The following ANO2 variants were observed in gnomAD, a reference collection of about 807,000 sequenced individuals.
The protein encoded by ANO2 is anoctamin-2.
ANO2 carries 101 observed loss-of-function variants against 124.2 expected under a neutral mutation model. The observed-to-expected ratio is 0.81, with a 90% CI of 0.69 to 0.96. The LOEUF (loss-of-function observed/expected upper bound fraction) is 0.96. Among genes scored for constraint, ANO2 ranks in the 40% least tolerant of loss-of-function variants. ANO2 has a pLI of 0.00. For synonymous variants in ANO2, 486 were observed against 482.5 expected, an observed-to-expected ratio of 1.01 and a Z score of -0.09; for missense variants, 1,293 against 1,274.5, an observed-to-expected ratio of 1.01 and a Z score of -0.22.
chr12:5,603,781 T>TA (rs1208758289), intron 19 of ANO2, among the ~76,000 whole-genome samples: 1 of 151,644 alleles, frequency 6.6e-6, no homozygotes, highest in African/African-American at 2.4e-5. Context: ...CCGCCTCTAC[T>TA]AAAAATACAA....
chr12:5,649,675 GC>G (rs1946817011), intron 14 of ANO2, among the ~76,000 whole-genome samples: 1 of 152,102 alleles, frequency 6.6e-6, no homozygotes, highest in African/African-American at 2.4e-5. Context: ...TATGATCTTG[GC>G]TCACTGCAAC....
At chr12:5,691,090 G>A (rs1055735919) in intron 14 of ANO2, among the ~76,000 whole-genome samples, 1 of 152,098 alleles carries the variant, frequency 6.6e-6, no homozygotes, top group Non-Finnish European at 1.5e-5. Flanking sequence ...AGCACTTTGG[G>A]AGGCTGAGGC....
chr12:5,818,104 G>C (rs925690231), intron 7 of ANO2, among the ~76,000 whole-genome samples: 3 of 152,118 alleles, frequency 2.0e-5, no homozygotes, highest in African/African-American at 7.2e-5. Flanking sequence ...GGTTAATACT[G>C]AGTGTCAACT....
At chr12:5,903,689 C>T (rs1442420927) in intron 3 of ANO2, among the ~76,000 whole-genome samples, 2 of 145,162 alleles carry the variant, frequency 1.4e-5, no homozygotes, top group East Asian at 4.0e-4. Flanking sequence ...GTGTAGACAG[C>T]AAGGTCTGTG....
chr12:5,787,776 T>G lies in ANO2; in HGVS notation c.1055+11731A>C, dbSNP rs1452979265. Among the ~76,000 whole-genome samples the G allele has an allele frequency of 3.9e-5, 6 of 152,176 alleles. No individual in the cohort carries two copies. The highest frequency in any genetic ancestry group is 1.4e-4 in the African/African-American group (6 of 41,430). On this transcript the variant is annotated intron_variant, in intron 10 of 24. Transcript: ENST00000682330. The surrounding 1 kb of genome is among the most constrained non-coding windows in gnomAD (Gnocchi z 4.2). ...TCCAATTAGGTTGGATGGCCTTATATCTCCATTCCCATTACACTTCTGTCC... is the reference window on the plus strand; with the variant it reads ...TCCAATTAGGTTGGATGGCCTTATAGCTCCATTCCCATTACACTTCTGTCC...
chr12:5,880,852 G>GGGGGTGGATGGA (rs1565745364), intron 3 of ANO2, among the ~76,000 whole-genome samples: 1 of 116,926 alleles, frequency 8.6e-6, no homozygotes, highest in African/African-American at 3.3e-5. Context: ...GGGTGGGTGG[G>GGGGGTGGATGGA]TGGATAGATG....
chr12:5,592,854 A>G (rs1242386447), intron 20 of ANO2, among the ~76,000 whole-genome samples: 1 of 152,232 alleles, frequency 6.6e-6, no homozygotes, highest in African/African-American at 2.4e-5. Flanking sequence ...ATGGAGGTTA[A>G]GAGTCCACAG....
chr12:5,609,148 T>A (rs1043872558), intron 19 of ANO2: 1 of 152,352 alleles, frequency 6.6e-6, no homozygotes, highest in African/African-American at 2.4e-5. Flanking sequence ...ACAAGTGTCA[T>A]CTGCATGGAA....
chr12:5,932,983 G>A (rs112126083), intron 1 of ANO2, among the ~76,000 whole-genome samples: 1,874 of 152,274 alleles, frequency 0.012, 46 homozygotes, highest in African/African-American at 0.043. Flanking sequence ...CCATTGCAAT[G>A]GGCCTCGGGC....
intron 14 of ANO2, among the ~76,000 whole-genome samples, chr12:5,650,190 C>A (rs1946849481): frequency 6.6e-6 from 1 of 152,146 alleles, no homozygotes; most frequent in Non-Finnish European, 1.5e-5. Flanking sequence ...AGGTTCAGCT[C>A]TGCCCAGGAG....
intron 14 of ANO2, among the ~76,000 whole-genome samples, chr12:5,684,611 A>C (rs1191235966): frequency 6.6e-6 from 1 of 152,160 alleles, no homozygotes; most frequent in African/African-American, 2.4e-5. Flanking sequence ...TTGCTCAAAA[A>C]CATCACTTCA....
In ANO2 at chr12:5,945,250, G is replaced by C; in HGVS notation, c.-33C>G. On this transcript the variant is annotated 5_prime_UTR_variant, in exon 1 of 25. Transcript: ENST00000682330. ...ACGCAGACCCCGCCGGCCCGCGGCC[G>C]CGCGCTTCTGGGCAGGCTTATGCCG... 3 of 1,284,348 alleles carry C rather than the reference G, an allele frequency of 2.3e-6. No homozygotes were observed. Among genetic ancestry groups the C allele is most frequent in the Non-Finnish European group, 3.0e-6 (3 of 985,956 alleles). 79.6% of individuals were successfully genotyped at this position (1,284,348 alleles called of 1,614,324 possible).
chr12:5,891,642 C>T (rs1939409698), intron 3 of ANO2, among the ~76,000 whole-genome samples: 1 of 152,212 alleles, frequency 6.6e-6, no homozygotes, highest in Non-Finnish European at 1.5e-5. Flanking sequence ...ACTATATACC[C>T]TAAGACAGTA....
At chr12:5,573,811 C>T (rs906244271) in intron 23 of ANO2, among the ~76,000 whole-genome samples, 4 of 152,140 alleles carry the variant, frequency 2.6e-5, no homozygotes, top group South Asian at 4.1e-4. Context: ...TCTTGGTTGA[C>T]GACAGTGGAA....
intron 20 of ANO2, among the ~76,000 whole-genome samples, chr12:5,587,961 AGG>A (rs1943203085): frequency 6.6e-6 from 1 of 152,206 alleles, no homozygotes; most frequent in Non-Finnish European, 1.5e-5. Flanking sequence ...CCCTCCGTTG[AGG>A]ACCTGCCCCA....
At chr12:5,616,371 C>T (rs1356370710) in intron 16 of ANO2, among the ~76,000 whole-genome samples, 1 of 152,216 alleles carries the variant, frequency 6.6e-6, no homozygotes, top group African/African-American at 2.4e-5. Flanking sequence ...TTACATAGGA[C>T]TCTTTCCCAT....
chr12:5,577,799 A>G (rs1942498087), intron 22 of ANO2, among the ~76,000 whole-genome samples, 156 bp downstream of exon 22: 1 of 152,196 alleles, frequency 6.6e-6, no homozygotes, highest in East Asian at 1.9e-4. Context: ...GATGGGTTAC[A>G]AGGCATTTGT....
intron 16 of ANO2, among the ~76,000 whole-genome samples, chr12:5,618,783 C>G (rs1944966343): frequency 6.6e-6 from 1 of 152,184 alleles, no homozygotes. Flanking sequence ...GAAGTTTTCC[C>G]CTTCCTTCAA....
At chr12:5,606,888 A>G (rs994175919) in intron 19 of ANO2, among the ~76,000 whole-genome samples, 7 of 152,212 alleles carry the variant, frequency 4.6e-5, no homozygotes, top group Non-Finnish European at 1.0e-4. Context: ...GGTCAATTAG[A>G]CACTCTTAAA....
Sources: allele counts gnomAD v4.1 joint callset (sites outside exome capture counted in the v4.1 genomes callset), GRCh38; gene constraint gnomAD v4.1.1; non-coding constraint Gnocchi (gnomAD v3.1); transcripts MANE v1.5; gene names NCBI Gene and HGNC (gene_info 2026-07-23, HGNC 2026-07-21).